Variants in ELF1 observed in about 807,000 individuals in gnomAD.
ELF1 encodes ETS-related transcription factor Elf-1.
ELF1 carries 24 observed loss-of-function variants against 59.9 expected under a neutral mutation model. The observed-to-expected ratio is 0.40, with a 90% CI of 0.29 to 0.56. The LOEUF is 0.56. Among genes scored for constraint, ELF1 ranks in the 20% least tolerant of loss-of-function variants. The pLI is 0.44. For missense variants in ELF1, 627 were observed against 742.2 expected, an observed-to-expected ratio of 0.84 and a Z score of 1.80; for synonymous variants, 248 against 266.2, an observed-to-expected ratio of 0.93 and a Z score of 0.67.
chr13:40,971,516 G>A (rs1289466147), intron 2 of ELF1, among the ~76,000 whole-genome samples: 1 of 152,200 alleles, frequency 6.6e-6, no homozygotes. Context: ...TTCCCAGAGT[G>A]TTGTGATTGC....
intron 1 of ELF1, among the ~76,000 whole-genome samples, chr13:41,017,105 A>T (rs2138383419): frequency 6.6e-6 from 1 of 150,860 alleles, no homozygotes; most frequent in African/African-American, 2.4e-5. Flanking sequence ...AAAAATTCTA[A>T]CAGTGAAAAA....
At chr13:40,963,941 C>T (rs1206663889) in intron 2 of ELF1, among the ~76,000 whole-genome samples, 1 of 151,964 alleles carries the variant, frequency 6.6e-6, no homozygotes, top group Non-Finnish European at 1.5e-5. Flanking sequence ...ATGAATAAGT[C>T]AGGTAAGAGG....
At chr13:41,046,235 C>T (rs376110718) in intron 1 of ELF1, among the ~76,000 whole-genome samples, 1 of 152,122 alleles carries the variant, frequency 6.6e-6, no homozygotes, top group Non-Finnish European at 1.5e-5. Flanking sequence ...TGACTCTTTA[C>T]CCAATTTGCC....
chr13:40,979,901 G>A (rs964413968), intron 2 of ELF1, among the ~76,000 whole-genome samples: 4 of 152,108 alleles, frequency 2.6e-5, no homozygotes, highest in Admixed American at 2.6e-4. Context: ...TTTATTAGGT[G>A]ACTTCTTTTA....
chr13:40,949,892 G>A lies in ELF1; in HGVS notation c.443C>T (p.Pro148Leu), dbSNP rs1285868905. 1.2e-6 allele frequency: 2 copies of A among 1,613,928 alleles called. No individual in the cohort carries two copies. The highest frequency in any genetic ancestry group is 1.7e-6 in the Non-Finnish European group (2 of 1,180,026). ...THVSVTLDGI[P>L]EVMETQQVQE... ...CACCTGCTGTGTTTCCATCACTTCA[G>A]GAATCCCATCTAATGTGACGGACAC... is the stretch of plus-strand genomic sequence containing the variant. The change falls in exon 5 of 9, where the codon CCT (proline) becomes CTT (leucine). Residue 148 changes from proline (P) to leucine (L), a missense_variant. Physicochemically the swap from Pro to Leu is moderately conservative, Grantham distance 98 (BLOSUM62 -3). Coordinates refer to ENST00000239882, the MANE Select transcript of ELF1 (RefSeq NM_172373.4).
At position 40,997,789 on chromosome 13, in the gene ELF1, T is replaced by G. The variant is rs117793792; in HGVS notation, c.-228-15507A>C. 2.6e-3 allele frequency among the ~76,000 whole-genome samples: 401 copies of G among 152,322 alleles called. 6 individuals are homozygous for G. The East Asian group carries it at 0.052, about 20-fold the overall frequency. Reference sequence around the variant, plus strand: ...TCATGTCAGGATCTTTAAAATGAGATTCTTCCTACAATCATCTTTGTAACT... The same window carrying G: ...TCATGTCAGGATCTTTAAAATGAGAGTCTTCCTACAATCATCTTTGTAACT... On this transcript the variant is annotated intron_variant, in intron 1 of 8. Transcript: ENST00000239882.
intron 3 of ELF1, among the ~76,000 whole-genome samples, chr13:40,956,380 C>T (rs929169893): frequency 9.9e-5 from 15 of 151,922 alleles, no homozygotes; most frequent in African/African-American, 3.1e-4. Context: ...GCAGCATGCT[C>T]GTTAAGAGTC....
intron 1 of ELF1, among the ~76,000 whole-genome samples, chr13:41,060,612 A>C (rs1460089402): frequency 1.2e-4 from 19 of 152,142 alleles, no homozygotes; most frequent in Non-Finnish European, 2.9e-5. Context: ...TGGCGCCACT[A>C]ACTACAGTAA....
chr13:41,014,923 T>TA (rs1374088340), intron 1 of ELF1, among the ~76,000 whole-genome samples: 35 of 151,078 alleles, frequency 2.3e-4, no homozygotes, highest in African/African-American at 6.1e-4. Flanking sequence ...ATTACAGGGT[T>TA]AAAAAAAAAG....
At chr13:40,937,627 G>A (rs1312000430) in intron 8 of ELF1, among the ~76,000 whole-genome samples, 2 of 151,650 alleles carry the variant, frequency 1.3e-5, no homozygotes, top group East Asian at 1.9e-4. Flanking sequence ...CCGCCACTAC[G>A]CCTAGCTAAT....
intron 1 of ELF1, among the ~76,000 whole-genome samples, chr13:41,058,291 T>C (rs959697224): frequency 2.6e-5 from 4 of 152,200 alleles, no homozygotes; most frequent in African/African-American, 9.7e-5. Context: ...TCTGTGCTCC[T>C]GCCAAACCGA....
At chr13:41,021,602 A>G (rs1043798104), upstream of ELF1, among the ~76,000 whole-genome samples, 6 of 152,220 alleles carry the variant, frequency 3.9e-5, no homozygotes. Flanking sequence ...ATCTTGGGCA[A>G]TTACTTAACA....
At chr13:40,979,813 C>A (rs1332661347) in intron 2 of ELF1, among the ~76,000 whole-genome samples, 1 of 152,146 alleles carries the variant, frequency 6.6e-6, no homozygotes, top group Non-Finnish European at 1.5e-5. Context: ...ATACTTAATA[C>A]TAGTTTCTTC....
intron 1 of ELF1, among the ~76,000 whole-genome samples, chr13:40,985,317 G>A (rs1319806485): frequency 1.3e-5 from 2 of 152,092 alleles, no homozygotes; most frequent in African/African-American, 2.4e-5. Context: ...CAAAGCCCAG[G>A]TATCTTACAA....
intron 1 of ELF1, among the ~76,000 whole-genome samples, chr13:41,028,879 G>A (rs1876052576): frequency 6.6e-6 from 1 of 151,710 alleles, no homozygotes; most frequent in Non-Finnish European, 1.5e-5. Context: ...GACTACAAGT[G>A]CACACCACCA....
At chr13:41,055,447 C>T (rs966559446) in intron 1 of ELF1, among the ~76,000 whole-genome samples, 1 of 151,470 alleles carries the variant, frequency 6.6e-6, no homozygotes, top group Admixed American at 6.6e-5. Context: ...CGAATGCTGC[C>T]TCCTACAGGA....
intron 2 of ELF1, 84 bp from the exon 3 acceptor site, chr13:40,959,100 T>C (rs144274968): frequency 2.7e-6 from 4 of 1,458,288 alleles, no homozygotes; most frequent in Non-Finnish European, 2.7e-6. Flanking sequence ...AACTATTTTA[T>C]ACTAGCCATC....
intron 1 of ELF1, among the ~76,000 whole-genome samples, chr13:41,016,484 A>G (rs949411194): frequency 6.6e-5 from 10 of 152,182 alleles, no homozygotes; most frequent in Non-Finnish European, 1.2e-4. Flanking sequence ...ATCTTATAAT[A>G]AGGTCAAATT....
intron 1 of ELF1, among the ~76,000 whole-genome samples, chr13:40,987,773 G>A (rs1018367053): frequency 2.0e-5 from 3 of 152,142 alleles, no homozygotes; most frequent in African/African-American, 7.2e-5. Context: ...TGGCATGTTT[G>A]TAGGTTGGCA....
Sources: gnomAD v4.1 joint callset for allele counts (sites outside exome capture counted in the v4.1 genomes callset) on GRCh38, gnomAD v4.1.1 for gene constraint, MANE v1.5 for transcripts, NCBI Gene and HGNC (gene_info 2026-07-23, HGNC 2026-07-21) for gene names.